The following PHLPP1 variants were observed in gnomAD, a reference collection of about 807,000 sequenced individuals.
The protein encoded by PHLPP1 is PH domain leucine-rich repeat-containing protein phosphatase 1.
Under a neutral mutation model 117.2 loss-of-function variants are expected in PHLPP1, and 42 were observed. The observed-to-expected ratio is 0.36, with a 90% CI of 0.28 to 0.46. PHLPP1 has a LOEUF of 0.46. Among genes scored for constraint, PHLPP1 ranks in the 20% least tolerant of loss-of-function variants. PHLPP1 has a pLI of 1.00. For missense variants in PHLPP1, 2,084 were observed against 2,241.9 expected (o/e 0.93, Z 1.42); for synonymous variants, 1,042 against 970.7 (o/e 1.07, Z -1.37).
intron 1 of PHLPP1, among the ~76,000 whole-genome samples, chr18:62,743,486 A>G (rs1911589590): frequency 6.6e-6 from 1 of 152,096 alleles, no homozygotes; most frequent in East Asian, 1.9e-4. Context: ...ATCTCATATC[A>G]TTTCATCCAT....
intron 12 of PHLPP1, 138 bp from the exon 13 acceptor site, chr18:62,958,491 A>C: frequency 2.7e-6 from 2 of 728,922 alleles, no homozygotes; most frequent in South Asian, 6.3e-5. Context: ...AGTAACAGAT[A>C]AGCCTCCTTT....
At chr18:62,789,213 T>C (rs985860608) in intron 1 of PHLPP1, among the ~76,000 whole-genome samples, 2 of 152,188 alleles carry the variant, frequency 1.3e-5, no homozygotes, top group Non-Finnish European at 2.9e-5. Flanking sequence ...TAAGCATTAG[T>C]GAATATATGT....
intron 1 of PHLPP1, among the ~76,000 whole-genome samples, chr18:62,802,423 C>T (rs1224201337): frequency 6.6e-6 from 1 of 152,062 alleles, no homozygotes; most frequent in Non-Finnish European, 1.5e-5. Context: ...GATTAACACA[C>T]CCTCCCAAGC....
rs137878076 is a variant in PHLPP1 at position 62,854,387 on chromosome 18, G to A, written c.1900-6048G>A. Among the ~76,000 whole-genome samples the A allele has an allele frequency of 3.3e-4, 50 of 152,294 alleles. No homozygotes were observed. The East Asian group carries it at 8.9e-3, about 27-fold the overall frequency. ...CCAGCTGGATAAGTTGTGTGGGATT[G>A]GAGTGGGCAGAGCCTATGATGTCAA... On this transcript the variant is annotated intron_variant, in intron 3 of 16. Transcript: ENST00000262719.
chr18:62,920,969 A>T (rs919887421), intron 10 of PHLPP1, among the ~76,000 whole-genome samples: 1 of 152,250 alleles, frequency 6.6e-6, no homozygotes, highest in Non-Finnish European at 1.5e-5. Flanking sequence ...CTTGTATCAT[A>T]CACTAAGCAT....
chr18:62,823,188 A>G (rs1313607986), intron 1 of PHLPP1, among the ~76,000 whole-genome samples: 1 of 152,190 alleles, frequency 6.6e-6, no homozygotes, highest in African/African-American at 2.4e-5. Flanking sequence ...AGGCTTTATT[A>G]AAATGGAAAC....
chr18:62,829,796 T>G (rs990387604), intron 1 of PHLPP1, among the ~76,000 whole-genome samples: 2 of 152,192 alleles, frequency 1.3e-5, no homozygotes, highest in Non-Finnish European at 2.9e-5. Context: ...AGAGTTAAAA[T>G]GGTGTTTTCC....
intron 14 of PHLPP1, among the ~76,000 whole-genome samples, chr18:62,969,356 G>A (rs1910988567): frequency 6.6e-6 from 1 of 152,074 alleles, no homozygotes; most frequent in Non-Finnish European, 1.5e-5. Context: ...TTTTTTCTAA[G>A]TAATTTCACT....
chr18:62,918,346 C>T (rs139279543), intron 9 of PHLPP1, among the ~76,000 whole-genome samples: 9 of 150,634 alleles, frequency 6.0e-5, no homozygotes, highest in South Asian at 2.1e-4. Context: ...ATTCAGTATT[C>T]GTCCTATAGT....
At chr18:62,876,396 T>G (rs964892558) in intron 4 of PHLPP1, among the ~76,000 whole-genome samples, 1 of 152,342 alleles carries the variant, frequency 6.6e-6, no homozygotes, top group Non-Finnish European at 1.5e-5. Context: ...CATTTTTTCC[T>G]TGAAGCTTTT....
intron 1 of PHLPP1, among the ~76,000 whole-genome samples, chr18:62,813,177 A>G (rs772599397): frequency 1.1e-4 from 17 of 152,220 alleles, no homozygotes; most frequent in Non-Finnish European, 2.1e-4. Context: ...TGCTCCTGGA[A>G]CTGAGCTGAA....
At chr18:62,730,115 C>A (rs1911187082) in intron 1 of PHLPP1, among the ~76,000 whole-genome samples, 1 of 152,034 alleles carries the variant, frequency 6.6e-6, no homozygotes, top group Admixed American at 6.5e-5. Context: ...TGTAAGTGTC[C>A]CCCTTGATTT....
intron 1 of PHLPP1, among the ~76,000 whole-genome samples, chr18:62,735,053 T>C (rs1676898): frequency 6.7e-6 from 1 of 148,956 alleles, no homozygotes; most frequent in African/African-American, 2.6e-5. Context: ...TTTTTTTTTT[T>C]CTTTTTTTTG....
At chr18:62,756,762 A>G (rs1912034755) in intron 1 of PHLPP1, among the ~76,000 whole-genome samples, 7 of 152,158 alleles carry the variant, frequency 4.6e-5, no homozygotes. Context: ...ATTGTAATAT[A>G]CCCATTCTGA....
intron 12 of PHLPP1, among the ~76,000 whole-genome samples, chr18:62,955,545 ACTCT>A (rs1910586654): frequency 6.6e-6 from 1 of 151,980 alleles, no homozygotes; most frequent in African/African-American, 2.4e-5. Flanking sequence ...TGAATCAGAG[ACTCT>A]GTCACAGGAG....
intron 1 of PHLPP1, among the ~76,000 whole-genome samples, chr18:62,811,540 G>C (rs1914118920): frequency 7.0e-6 from 1 of 142,760 alleles, no homozygotes; most frequent in Non-Finnish European, 1.5e-5. Flanking sequence ...TTATGTTGTT[G>C]TGTCTTTTTT....
At chr18:62,898,884 C>T (rs780734935) in intron 6 of PHLPP1, among the ~76,000 whole-genome samples, 16 of 149,536 alleles carry the variant, frequency 1.1e-4, no homozygotes, top group Non-Finnish European at 2.2e-4. Flanking sequence ...CTGCAACCTC[C>T]GCTTCCCAGA....
chr18:62,900,564 C>T (rs1394067569), intron 6 of PHLPP1, among the ~76,000 whole-genome samples: 1 of 147,316 alleles, frequency 6.8e-6, no homozygotes, highest in East Asian at 2.1e-4. Flanking sequence ...CTCCTGGGTT[C>T]GAGTGATCTT....
chr18:62,721,962 G>T (rs2122046977), intron 1 of PHLPP1, among the ~76,000 whole-genome samples: 1 of 152,216 alleles, frequency 6.6e-6, no homozygotes, highest in South Asian at 2.1e-4. Context: ...ATAGTCCTTG[G>T]CATTTTAGTT....
Sources: gnomAD v4.1 joint callset for allele counts (sites outside exome capture counted in the v4.1 genomes callset) on GRCh38, gnomAD v4.1.1 for gene constraint, MANE v1.5 for transcripts, NCBI Gene and HGNC (gene_info 2026-07-23, HGNC 2026-07-21) for gene names.